The following THAP12 variants were observed in gnomAD, a reference collection of about 807,000 sequenced individuals.
THAP12 encodes the protein THAP domain containing 12.
Under a neutral mutation model 63.0 loss-of-function variants are expected in THAP12, and 20 were observed. That is an observed-to-expected ratio of 0.32 (90% CI 0.22 to 0.46). The LOEUF (loss-of-function observed/expected upper bound fraction) is 0.46. Ranked by LOEUF, THAP12 falls within the 20% of genes least tolerant of loss-of-function variation. The pLI is 1.00. For missense variants in THAP12, 568 were observed against 908.2 expected (o/e 0.63, Z 4.81); for synonymous variants, 264 against 328.4 (o/e 0.80, Z 2.12).
chr11:76,369,738 C>T lies in THAP12; in HGVS notation c.90-3766G>A, dbSNP rs369629039. ...GACCCAGTAAAAACCTCGGACACTA[C>T]GTCTCTAACGGTCTTCTCTCCACAG... On this transcript the variant is annotated intron_variant, in intron 1 of 4. Coordinates refer to ENST00000260045, the MANE Select transcript of THAP12 (RefSeq NM_004705.4). Among the ~76,000 whole-genome samples, 60 of 152,372 alleles carry T rather than the reference C, an allele frequency of 3.9e-4. 1 individual carries two copies. The South Asian group carries it at 4.6e-3, about 12-fold the overall frequency.
intron 2 of THAP12, among the ~76,000 whole-genome samples, chr11:76,365,341 C>T (rs918432188): frequency 2.7e-5 from 4 of 150,232 alleles, no homozygotes; most frequent in African/African-American, 9.8e-5. Context: ...AGAAATGGGG[C>T]ACCAGGAACC....
At chr11:76,354,942 T>C (rs1004901881) in intron 4 of THAP12, among the ~76,000 whole-genome samples, 2 of 152,094 alleles carry the variant, frequency 1.3e-5, no homozygotes, top group African/African-American at 4.8e-5. Context: ...TCCTCATCCA[T>C]AAAGAGGGAA....
At chr11:76,362,280 C>T (rs1307167174) in intron 2 of THAP12, among the ~76,000 whole-genome samples, 1 of 152,200 alleles carries the variant, frequency 6.6e-6, no homozygotes, top group African/African-American at 2.4e-5. Flanking sequence ...AATATCTAAG[C>T]ATGCTCAAAG....
intron 1 of THAP12, among the ~76,000 whole-genome samples, chr11:76,376,056 C>A (rs1946707677): frequency 6.6e-6 from 1 of 152,012 alleles, no homozygotes; most frequent in Non-Finnish European, 1.5e-5. Context: ...GCTGGAAGGG[C>A]AGGGGAATGG....
At chr11:76,380,146 T>C (rs1274857199) in intron 1 of THAP12, among the ~76,000 whole-genome samples, 3 of 152,142 alleles carry the variant, frequency 2.0e-5, no homozygotes, top group Admixed American at 1.3e-4. Context: ...CCAATACCAA[T>C]TTCCACGCCC....
At chr11:76,373,217 G>A (rs114211998) in intron 1 of THAP12, among the ~76,000 whole-genome samples, 3,223 of 151,476 alleles carry the variant, frequency 0.021, 121 homozygotes, top group African/African-American at 0.075. Context: ...ATGGTGGTAT[G>A]TACCTGCAGT....
rs375444840 is a variant in THAP12, at chr11:76,352,363, T to C, written c.787A>G (p.Ile263Val). 4.4e-5 allele frequency: 71 copies of C among 1,611,918 alleles called. No individual in the cohort carries two copies. Among genetic ancestry groups the C allele is most frequent in the Non-Finnish European group, 5.6e-5 (66 of 1,179,852 alleles). Reference protein sequence around the residue: ...EVRDSHFFSIITDDVVDIAGE... With the variant: ...EVRDSHFFSIVTDDVVDIAGE... ...GCTATGTCCACTACATCGTCAGTGA[T>C]AATGGAAAAGAAGTGTGAGTCTCTC... Residue 263 changes from isoleucine (I) to valine (V), a missense_variant, in exon 5 of 5, where the codon ATC becomes GTC. Transcript: ENST00000260045.
Position 76,350,635 on chromosome 11 carries a change from T to A in THAP12, c.*229A>T. On this transcript the variant is annotated 3_prime_UTR_variant, in exon 5 of 5. Coordinates refer to ENST00000260045, the MANE Select transcript of THAP12 (RefSeq NM_004705.4). ...AATTCCAGAGTGCCATCAACAGAGA[T>A]CACGCAAAAGGAAACATGGCACTTT... The A allele has an allele frequency of 5.0e-6, 2 of 397,802 alleles. No homozygotes were observed. The highest frequency in any genetic ancestry group is 8.7e-5 in the East Asian group (2 of 22,986). 24.6% of individuals were successfully genotyped at this position (397,802 alleles called of 1,614,324 possible).
chr11:76,366,856 C>T (rs991390580), intron 1 of THAP12, among the ~76,000 whole-genome samples: 30 of 151,900 alleles, frequency 2.0e-4, no homozygotes, highest in Admixed American at 1.8e-3. Context: ...CAATCTAGTA[C>T]ACAAAAAGTG....
intron 1 of THAP12, among the ~76,000 whole-genome samples, chr11:76,366,743 T>C (rs1285244546): frequency 6.6e-6 from 1 of 151,170 alleles, no homozygotes; most frequent in African/African-American, 2.4e-5. Flanking sequence ...AAGGGAAGCA[T>C]AAAGGCTGTA....
At chr11:76,372,260 T>C (rs983153552) in intron 1 of THAP12, among the ~76,000 whole-genome samples, 1 of 152,102 alleles carries the variant, frequency 6.6e-6, no homozygotes, top group African/African-American at 2.4e-5. Flanking sequence ...AGCCACTTTC[T>C]GTACACACCT....
intron 2 of THAP12, 21 bp downstream of exon 2, chr11:76,365,830 AC>A: frequency 6.2e-7 from 1 of 1,606,490 alleles, no homozygotes; most frequent in Non-Finnish European, 8.5e-7. Flanking sequence ...ACAGAGAGAC[AC>A]CAAGCTCTTC....
rs752252333 is a variant in THAP12 at position 76,352,672 on chromosome 11, T to C, written c.478A>G (p.Lys160Glu). The change falls in exon 5 of 5, where the codon AAG becomes GAG. Residue 160 changes from lysine (K) to glutamate (E), a missense_variant. Coordinates refer to ENST00000260045, the MANE Select transcript of THAP12 (RefSeq NM_004705.4). ...EDILPLTLEE[K>E]ENKEYLKSLF... ...GATTTTAGGTATTCTTTGTTTTCCT[T>C]CTCTTCAAGGGTTAGAGGTAAAATG... 6.2e-7 allele frequency: 1 copy of C among 1,612,762 alleles called. No homozygotes were observed. Among genetic ancestry groups the C allele is most frequent in the Non-Finnish European group, 8.5e-7 (1 of 1,179,900 alleles).
intron 1 of THAP12, among the ~76,000 whole-genome samples, chr11:76,377,665 C>A (rs1473889150): frequency 1.3e-5 from 2 of 152,164 alleles, no homozygotes; most frequent in Non-Finnish European, 2.9e-5. Context: ...TGGCTTGTTT[C>A]TACCTTTTGA....
At chr11:76,358,128 T>C (rs1282340974) in intron 3 of THAP12, 1 of 151,760 alleles carries the variant, frequency 6.6e-6, no homozygotes, top group Non-Finnish European at 1.5e-5. Context: ...AGCCATCTAA[T>C]GGTTTTACCA....
intron 1 of THAP12, among the ~76,000 whole-genome samples, chr11:76,376,642 G>C (rs1946713602): frequency 9.2e-6 from 1 of 108,202 alleles, no homozygotes; most frequent in Non-Finnish European, 2.1e-5. Context: ...TTTTTTTTCA[G>C]GTAAGAGTCC....
In THAP12 at chr11:76,350,665, G is replaced by T. The variant is rs564229348; in HGVS notation, c.*199C>A. 1.8e-5 allele frequency: 9 copies of T among 491,834 alleles called. No homozygotes were observed. The South Asian group carries it at 3.4e-4, about 18-fold the overall frequency. The allele number at this position is 491,834 out of a possible 1,614,324, so 30.5% of individuals were successfully genotyped here. A position where few individuals can be genotyped will look rare whatever the true frequency, so the allele number is the denominator to read the frequency against. ...CAAAAGGAAACATGGCACTTTCAAC[G>T]TTCTCTTCTGGAAGAACAGGTAGGT... is the stretch of plus-strand genomic sequence containing the variant. On this transcript the variant is annotated 3_prime_UTR_variant, in exon 5 of 5. Coordinates refer to ENST00000260045, the MANE Select transcript of THAP12 (RefSeq NM_004705.4).
chr11:76,352,906 T>C (rs2134498156), intron 4 of THAP12, 112 bp from the exon 5 acceptor site: 1 of 1,278,278 alleles, frequency 7.8e-7, no homozygotes, highest in Non-Finnish European at 1.0e-6. Context: ...TCATTCAATA[T>C]TCATAGGGTA....
Position 76,352,746 on chromosome 11 carries a change from C to T in THAP12, c.404G>A (p.Ser135Asn), listed in dbSNP as rs776473923. The T allele has an allele frequency of 5.1e-6, 8 of 1,555,988 alleles. No individual in the cohort carries two copies. The highest frequency in any genetic ancestry group is 2.4e-5 in the South Asian group (2 of 82,198). The change falls in exon 5 of 5, where the codon AGC (serine) becomes AAC (asparagine). Residue 135 changes from serine to asparagine, a missense_variant. Coordinates refer to ENST00000260045, the MANE Select transcript of THAP12 (RefSeq NM_004705.4). The part of the protein sequence containing the change: ...QEQKHKETNN[S>N]NAQNPSEEEG... The stretch of plus-strand genomic sequence containing the variant: ...TTCTTCGCTGGGGTTCTGAGCATTG[C>T]TATTGTTGGTTTCTTTATGTTTTTG...
Sources: allele counts gnomAD v4.1 joint callset (sites outside exome capture counted in the v4.1 genomes callset), GRCh38; gene constraint gnomAD v4.1.1; transcripts MANE v1.5; gene names NCBI Gene and HGNC (gene_info 2026-07-23, HGNC 2026-07-21).